Variants in SHQ1 observed in about 807,000 individuals in gnomAD.
The protein encoded by SHQ1 is SHQ1, H/ACA ribonucleoprotein assembly factor.
SHQ1 carries 49 observed loss-of-function variants against 53.8 expected under a neutral mutation model. The observed-to-expected ratio is 0.91, with a 90% CI of 0.72 to 1.16. The LOEUF (loss-of-function observed/expected upper bound fraction) is 1.16, where lower values mean the gene tolerates loss of function less well. Ranked by LOEUF, SHQ1 falls within the 50% of genes most tolerant of loss-of-function variation. SHQ1 has a pLI of 0.00. For synonymous variants in SHQ1, 243 were observed against 251.0 expected (o/e 0.97, Z 0.30); for missense variants, 738 against 683.1 (o/e 1.08, Z -0.90).
At chr3:72,790,687 G>T in intron 10 of SHQ1, among the ~76,000 whole-genome samples, 1 of 152,058 alleles carries the variant, frequency 6.6e-6, no homozygotes, top group Non-Finnish European at 1.5e-5. Flanking sequence ...AATAAAACTA[G>T]AAATTTTTAT....
At chr3:72,752,454 T>C (rs62251640) in intron 10 of SHQ1, among the ~76,000 whole-genome samples, 34,622 of 152,120 alleles carry the variant, frequency 0.23, 4,143 homozygotes, top group Non-Finnish European at 0.25. Flanking sequence ...TCTTAAAATG[T>C]ACAAGGAGGA....
At chr3:72,803,806 C>T (rs1706861404) in intron 9 of SHQ1, among the ~76,000 whole-genome samples, 1 of 151,954 alleles carries the variant, frequency 6.6e-6, no homozygotes, top group African/African-American at 2.4e-5. Context: ...ATAATTTTCC[C>T]AAGTAACAAA....
the SHQ1 span, among the ~76,000 whole-genome samples, chr3:72,738,329 C>A: frequency 6.6e-6 from 1 of 152,124 alleles, no homozygotes; most frequent in African/African-American, 2.4e-5. Flanking sequence ...CTGTAAAGGG[C>A]TAGCTAGGCA....
intron 4 of SHQ1, among the ~76,000 whole-genome samples, chr3:72,834,247 G>A (rs1299864830): frequency 6.6e-6 from 1 of 152,186 alleles, no homozygotes; most frequent in African/African-American, 2.4e-5. Context: ...CACTGGAACA[G>A]GCCGGGCCCA....
the SHQ1 span, among the ~76,000 whole-genome samples, chr3:72,728,426 C>T: frequency 2.6e-5 from 4 of 152,320 alleles, no homozygotes; most frequent in South Asian, 6.2e-4. Flanking sequence ...GCACTAGAGG[C>T]CCGAGGCAGC....
chr3:72,742,829 G>A, the SHQ1 span, among the ~76,000 whole-genome samples: 1 of 152,100 alleles, frequency 6.6e-6, no homozygotes, highest in Non-Finnish European at 1.5e-5. Flanking sequence ...GTTTTGCCAT[G>A]TTGGCCAGGC....
chr3:72,726,621 G>A, the SHQ1 span, among the ~76,000 whole-genome samples: 1 of 152,144 alleles, frequency 6.6e-6, no homozygotes, highest in African/African-American at 2.4e-5. Context: ...CAAAGTGCTG[G>A]GATTACAGGT....
At chr3:72,765,555 A>ATTTTTT (rs1171352955) in intron 10 of SHQ1, among the ~76,000 whole-genome samples, 2 of 71,768 alleles carry the variant, frequency 2.8e-5, no homozygotes, top group African/African-American at 1.3e-4. Flanking sequence ...ATATATATAT[A>ATTTTTT]TATTTTTTTT....
chr3:72,741,112 G>C, the SHQ1 span, among the ~76,000 whole-genome samples: 1 of 152,132 alleles, frequency 6.6e-6, no homozygotes, highest in Non-Finnish European at 1.5e-5. Context: ...AAGTTTCTTG[G>C]ATGGTTCAAG....
intron 4 of SHQ1, among the ~76,000 whole-genome samples, chr3:72,836,679 A>G (rs1483725626): frequency 6.6e-6 from 1 of 152,166 alleles, no homozygotes; most frequent in Admixed American, 6.5e-5. Flanking sequence ...CTCTAAAAAG[A>G]AACAGAAACA....
At chr3:72,791,426 C>G (rs1017175427) in intron 10 of SHQ1, among the ~76,000 whole-genome samples, 1 of 152,212 alleles carries the variant, frequency 6.6e-6, no homozygotes, top group Non-Finnish European at 1.5e-5. Context: ...TAGGCATTAT[C>G]TTGAGCAATC....
the SHQ1 span, among the ~76,000 whole-genome samples, chr3:72,738,084 G>A: frequency 6.6e-6 from 1 of 152,082 alleles, no homozygotes. Flanking sequence ...CTCCACCTGA[G>A]ACATGAACAC....
At chr3:72,799,596 AT>A (rs1004309375) in intron 9 of SHQ1, among the ~76,000 whole-genome samples, 3 of 152,126 alleles carry the variant, frequency 2.0e-5, no homozygotes, top group Non-Finnish European at 2.9e-5. Flanking sequence ...GGTCTATGTG[AT>A]TTTTTTATCC....
At chr3:72,758,049 T>C (rs1023016132) in intron 10 of SHQ1, among the ~76,000 whole-genome samples, 3 of 152,208 alleles carry the variant, frequency 2.0e-5, no homozygotes, top group Admixed American at 1.3e-4. Context: ...ACCAGTTCCA[T>C]ACTTTAGGTT....
Position 72,848,428 on chromosome 3 carries a change from G to T in SHQ1, c.-88C>A, listed in dbSNP as rs1708432279. The T allele has an allele frequency of 7.7e-6, 12 of 1,557,926 alleles. No individual in the cohort carries two copies. In the Admixed American group the frequency reaches 1.4e-4, roughly 18 times the overall value. On this transcript the variant is annotated 5_prime_UTR_variant, in exon 1 of 11. Coordinates refer to ENST00000325599, the MANE Select transcript of SHQ1 (RefSeq NM_018130.3). ...AAACTCTCCAACTCCCCACGCGCAG[G>T]AACTCTCGGTGTGAGGGACGGAGCT...
At chr3:72,807,291 C>T (rs764342659) in intron 9 of SHQ1, among the ~76,000 whole-genome samples, 2 of 152,154 alleles carry the variant, frequency 1.3e-5, no homozygotes, top group African/African-American at 4.8e-5. Context: ...TTTTCAAAAA[C>T]CCTGGTAGTT....
At chr3:72,835,907 C>G (rs561830867) in intron 4 of SHQ1, among the ~76,000 whole-genome samples, 1 of 152,288 alleles carries the variant, frequency 6.6e-6, no homozygotes, top group Non-Finnish European at 1.5e-5. Context: ...TTCCCTTTAC[C>G]TGTAACTATC....
intron 10 of SHQ1, among the ~76,000 whole-genome samples, chr3:72,767,670 G>C (rs1705759727): frequency 6.6e-6 from 1 of 152,120 alleles, no homozygotes; most frequent in Non-Finnish European, 1.5e-5. Flanking sequence ...AATTAGAACT[G>C]AAGAGTTGCC....
chr3:72,767,390 C>G (rs1263674861), intron 10 of SHQ1, among the ~76,000 whole-genome samples: 1 of 152,198 alleles, frequency 6.6e-6, no homozygotes, highest in Non-Finnish European at 1.5e-5. Context: ...TACCGACATA[C>G]AAGTTGAACA....
Sources: gnomAD v4.1 joint callset for allele counts (sites outside exome capture counted in the v4.1 genomes callset) on GRCh38, gnomAD v4.1.1 for gene constraint, MANE v1.5 for transcripts, NCBI Gene and HGNC (gene_info 2026-07-23, HGNC 2026-07-21) for gene names.